Variants in DCDC2C observed in about 807,000 individuals in gnomAD.
DCDC2C encodes the protein doublecortin domain containing 2C.
In DCDC2C, 44 loss-of-function variants were observed where a neutral mutation model predicts 45.0. The ratio of observed to expected loss-of-function variants is 0.98; its 90% CI spans 0.77 to 1.26. The LOEUF (loss-of-function observed/expected upper bound fraction) is 1.26. Ranked by LOEUF, DCDC2C falls within the 50% of genes most tolerant of loss-of-function variation. The pLI is 0.00. For synonymous variants in DCDC2C, 187 were observed against 178.8 expected, an observed-to-expected ratio of 1.05 and a Z score of -0.37; for missense variants, 447 against 468.9, an observed-to-expected ratio of 0.95 and a Z score of 0.43.
chr2:3,730,417 G>T (rs931809999), intron 3 of DCDC2C, among the ~76,000 whole-genome samples: 1 of 152,164 alleles, frequency 6.6e-6, no homozygotes, highest in Non-Finnish European at 1.5e-5. Context: ...TATTGTGTCG[G>T]ATTGCCACTG....
intron 2 of DCDC2C, among the ~76,000 whole-genome samples, chr2:3,713,333 G>C (rs1668268242): frequency 1.3e-5 from 2 of 152,220 alleles, no homozygotes; most frequent in South Asian, 4.1e-4. Context: ...AGCTCTCCCA[G>C]GGAAAACGCG....
chr2:3,796,841 G>A (rs1306288939), intron 10 of DCDC2C, among the ~76,000 whole-genome samples: 1 of 151,534 alleles, frequency 6.6e-6, no homozygotes, highest in Non-Finnish European at 1.5e-5. Flanking sequence ...TTTTTTGGTT[G>A]TGTCTCTGCC....
In DCDC2C at chr2:3,847,917, A is replaced by G. The variant is rs1672376177; in HGVS notation, c.*734A>G. On this transcript the variant is annotated 3_prime_UTR_variant, in exon 11 of 11. Coordinates refer to ENST00000399143, the MANE Select transcript of DCDC2C (RefSeq NM_001287444.2). ...CTTGCTTCCCCTTCGCCCTTCTGCT[A>G]TGATTGTAAGTTTCCTGAGGCCTCC... Among the ~76,000 whole-genome samples, 1 of 152,108 alleles carries G rather than the reference A, an allele frequency of 6.6e-6. No homozygotes were observed. Among genetic ancestry groups the G allele is most frequent in the South Asian group, 2.1e-4 (1 of 4,812 alleles).
At position 3,726,986 on chromosome 2, in the gene DCDC2C, G is replaced by T. The variant is rs2148075211; in HGVS notation, c.340-17G>T. On this transcript the variant is annotated splice_polypyrimidine_tract_variant and intron_variant, in intron 2 of 10. Coordinates refer to ENST00000399143, the MANE Select transcript of DCDC2C (RefSeq NM_001287444.2). ...TAATTTGAACTGAATTCCCAGGTGT[G>T]TTTTTTCCTTTTTCAGATCAAACCA... The T allele has an allele frequency of 6.5e-7, 1 of 1,549,648 alleles. No homozygotes were observed. Among genetic ancestry groups the T allele is most frequent in the Non-Finnish European group, 8.7e-7 (1 of 1,146,232 alleles).
chr2:3,718,875 G>C (rs1668418490), intron 2 of DCDC2C, among the ~76,000 whole-genome samples: 1 of 152,126 alleles, frequency 6.6e-6, no homozygotes, highest in Non-Finnish European at 1.5e-5. Flanking sequence ...ATTGCTGACT[G>C]GTGCATTTTA....
Position 3,847,726 on chromosome 2 carries a change from T to TG in DCDC2C, c.*544dup, listed in dbSNP as rs1280176911. Among the ~76,000 whole-genome samples the TG allele has an allele frequency of 6.6e-6, 1 of 152,176 alleles. No homozygotes were observed. Among genetic ancestry groups the TG allele is most frequent in the Non-Finnish European group, 1.5e-5 (1 of 68,024 alleles). ...ATCTCATGTCGAATTGTAATCCCCA[T>TG]GTGTTGGAGGAGGGGGCCGGTGGGA... On this transcript the variant is annotated 3_prime_UTR_variant, in exon 11 of 11. Transcript: ENST00000399143.
Position 3,762,014 on chromosome 2 carries a change from C to G in DCDC2C, c.727-5740C>G, listed in dbSNP as rs948685938. Among the ~76,000 whole-genome samples, 16 of 152,134 alleles carry G rather than the reference C, an allele frequency of 1.1e-4. No homozygotes were observed. In the East Asian group the frequency reaches 3.1e-3, roughly 29 times the overall value. ...GATGAATGAAATTGAGAAGCGGTAC[C>G]TGTCCCCTTTGTAAATAGAGCTCAC... is the stretch of plus-strand genomic sequence containing the variant. On this transcript the variant is annotated intron_variant, in intron 6 of 10. Coordinates refer to ENST00000399143, the MANE Select transcript of DCDC2C (RefSeq NM_001287444.2).
At chr2:3,811,476 T>G (rs995504267) in intron 10 of DCDC2C, among the ~76,000 whole-genome samples, 2 of 152,202 alleles carry the variant, frequency 1.3e-5, no homozygotes, top group African/African-American at 4.8e-5. Context: ...ATGGAATTTT[T>G]GGGCTGAGAT....
chr2:3,782,083 T>TC (rs1451535273), intron 9 of DCDC2C, among the ~76,000 whole-genome samples: 1 of 152,120 alleles, frequency 6.6e-6, no homozygotes, highest in African/African-American at 2.4e-5. Context: ...TTTCGTCCCC[T>TC]CACACCGAAA....
intron 10 of DCDC2C, among the ~76,000 whole-genome samples, chr2:3,808,265 G>T (rs570152009): frequency 1.8e-4 from 27 of 152,230 alleles, no homozygotes; most frequent in Admixed American, 1.8e-3. Context: ...ATTTTACTTT[G>T]CATTTCCTTA....
In DCDC2C at chr2:3,847,240, C is replaced by T. The variant is rs576211041; in HGVS notation, c.*57C>T. The T allele has an allele frequency of 3.4e-5, 38 of 1,130,778 alleles. No individual in the cohort carries two copies. The Admixed American group carries it at 5.5e-4, about 16-fold the overall frequency. 70.0% of individuals were successfully genotyped at this position (1,130,778 alleles called of 1,614,324 possible). A position where few individuals can be genotyped will look rare whatever the true frequency, so the allele number is the denominator to read the frequency against. ...CTTTTCTTCAACCATGGGGCTTCCACGTCACATATGGACATTTTAACAGCA... is the reference window on the plus strand; with the variant it reads ...CTTTTCTTCAACCATGGGGCTTCCATGTCACATATGGACATTTTAACAGCA... On this transcript the variant is annotated 3_prime_UTR_variant, in exon 11 of 11. Transcript: ENST00000399143.
At chr2:3,719,659 T>TTGGTGGA (rs1668439404) in intron 2 of DCDC2C, among the ~76,000 whole-genome samples, 1 of 152,172 alleles carries the variant, frequency 6.6e-6, no homozygotes, top group Non-Finnish European at 1.5e-5. Context: ...TCTTGGAATG[T>TTGGTGGA]TGGTGGACAC....
chr2:3,725,477 C>T (rs28419068), intron 2 of DCDC2C, among the ~76,000 whole-genome samples: 1,409 of 27,422 alleles, frequency 0.051, 18 homozygotes, highest in Middle Eastern at 0.13. Flanking sequence ...CGGTGGATCC[C>T]AGAGGAAGAC....
At chr2:3,738,130 C>T (rs1344974236) in intron 3 of DCDC2C, among the ~76,000 whole-genome samples, 1 of 152,012 alleles carries the variant, frequency 6.6e-6, no homozygotes, top group Non-Finnish European at 1.5e-5. Flanking sequence ...AAAAATAAGT[C>T]AACAAGAAGT....
rs571283875 is a variant in DCDC2C, at chr2:3,755,129, G to A, written c.726+495G>A. ...CATGTGTGTGTATAAATACATGTGT[G>A]TGGAGGCATGTGTGTGTATGTATGG... On this transcript the variant is annotated intron_variant, in intron 6 of 10. Transcript: ENST00000399143. Among the ~76,000 whole-genome samples, 12 of 152,034 alleles carry A rather than the reference G, an allele frequency of 7.9e-5. No individual in the cohort carries two copies. In the East Asian group the frequency reaches 2.1e-3, roughly 27 times the overall value.
intron 4 of DCDC2C, among the ~76,000 whole-genome samples, chr2:3,749,400 C>T (rs951096022): frequency 8.5e-5 from 13 of 152,178 alleles, no homozygotes; most frequent in African/African-American, 3.1e-4. Context: ...TAAAAGCCGC[C>T]GTTCTCCGTA....
At chr2:3,797,303 A>G (rs1230916066) in intron 10 of DCDC2C, among the ~76,000 whole-genome samples, 1 of 150,650 alleles carries the variant, frequency 6.6e-6, no homozygotes, top group Non-Finnish European at 1.5e-5. Flanking sequence ...AATTTTGTTG[A>G]TCCTTTCAAA....
At chr2:3,841,736 A>C (rs535019690) in intron 10 of DCDC2C, among the ~76,000 whole-genome samples, 1 of 149,246 alleles carries the variant, frequency 6.7e-6, no homozygotes, top group South Asian at 2.2e-4. Flanking sequence ...GCGGCCGGGC[A>C]GGTCTTCCTG....
chr2:3,743,518 CA>C (rs1199972560), intron 4 of DCDC2C, among the ~76,000 whole-genome samples: 1 of 152,128 alleles, frequency 6.6e-6, no homozygotes, highest in African/African-American at 2.4e-5. Flanking sequence ...CAAGTCTTAG[CA>C]AATGTAAGAC....
Sources: gnomAD v4.1 joint callset for allele counts (sites outside exome capture counted in the v4.1 genomes callset) on GRCh38, gnomAD v4.1.1 for gene constraint, MANE v1.5 for transcripts, NCBI Gene and HGNC (gene_info 2026-07-23, HGNC 2026-07-21) for gene names.